The following TBL1X variants were observed in gnomAD, a reference collection of about 807,000 sequenced individuals.
The protein encoded by TBL1X is F-box-like/WD repeat-containing protein TBL1X.
In TBL1X, 10 loss-of-function variants were observed where a neutral mutation model predicts 50.7. That is an observed-to-expected ratio of 0.20 (90% CI 0.12 to 0.33). The LOEUF (loss-of-function observed/expected upper bound fraction) is 0.33. Among genes scored for constraint, TBL1X ranks in the 10% least tolerant of loss-of-function variants. The pLI, the probability that TBL1X is intolerant of heterozygous loss-of-function variation, is 1.00. For missense variants in TBL1X, 340 were observed against 504.4 expected (o/e 0.67, Z 3.12); for synonymous variants, 190 against 214.7 (o/e 0.88, Z 1.01).
chrX:9,637,191 A>G (rs1417193726), intron 2 of TBL1X: 1 of 112,030 alleles, frequency 8.9e-6, no homozygotes, highest in African/African-American at 3.2e-5. Flanking sequence ...TCGGAAAACA[A>G]TAGCAGACCA....
rs2083269039 is a variant in TBL1X at position 9,714,905 on chromosome X, G to A, written c.1609G>A (p.Gly537Arg). The change falls in exon 17 of 18, where the codon GGA becomes AGA. Residue 537 changes from glycine to arginine, a missense_variant. By Grantham distance (125) the Gly-to-Arg change is moderately radical. Transcript: ENST00000645353. ...TGACAGCTGCTTTGCTTTGCAGAGT[G>A]GAAATCTTGTCCACAGCTACCGAGG... The part of the protein sequence containing the change: ...KCVHIWNTQS[G>R]NLVHSYRGTG... The A allele has an allele frequency of 8.3e-7, 1 of 1,210,804 alleles. No individual in the cohort carries two copies. The highest frequency in any genetic ancestry group is 1.1e-6 in the Non-Finnish European group (1 of 894,886).
chrX:9,556,205 C>CAA (rs372368576), intron 2 of TBL1X, among the ~76,000 whole-genome samples: 1 of 100,658 alleles, frequency 9.9e-6, no homozygotes, highest in African/African-American at 3.7e-5. Flanking sequence ...AAAAACAAAA[C>CAA]AAAACAAAAA....
chrX:9,625,153 T>A (rs927702633), intron 2 of TBL1X, among the ~76,000 whole-genome samples: 1 of 112,669 alleles, frequency 8.9e-6, no homozygotes, highest in East Asian at 2.8e-4. Flanking sequence ...TCTTGGTTTT[T>A]AAATTTTTAT....
chrX:9,715,855 G>A (rs1051962946), intron 17 of TBL1X, among the ~76,000 whole-genome samples: 1 of 112,031 alleles, frequency 8.9e-6, no homozygotes, highest in Non-Finnish European at 1.9e-5. Flanking sequence ...CTGGCTGAAC[G>A]GCCAAGGGTC....
chrX:9,503,796 G>A (rs1313909855), intron 2 of TBL1X, among the ~76,000 whole-genome samples: 1 of 112,712 alleles, frequency 8.9e-6, no homozygotes, highest in African/African-American at 3.2e-5. Context: ...GATCTCCTGG[G>A]CCTCAGCCCA....
chrX:9,488,560 CTTAAT>C (rs1362291607), intron 1 of TBL1X, among the ~76,000 whole-genome samples: 1 of 112,114 alleles, frequency 8.9e-6, no homozygotes. Context: ...TCTCAAGAGA[CTTAAT>C]TTAATCACAT....
At position 9,709,241 on chromosome X, in the gene TBL1X, C is replaced by G. The variant is rs1440179024; in HGVS notation, c.1237-7C>G. The G allele has an allele frequency of 8.3e-7, 1 of 1,210,185 alleles. No individual in the cohort carries two copies. The highest frequency in any genetic ancestry group is 1.1e-6 in the Non-Finnish European group (1 of 894,791). The stretch of plus-strand genomic sequence containing the variant: ...TGTCTTTTTCACACTCTTCTGCTCT[C>G]TTTCAGAACGAGGTCAACGCCATCA... On this transcript the variant is annotated splice_region_variant and splice_polypyrimidine_tract_variant and intron_variant, in intron 13 of 17. Coordinates refer to ENST00000645353, the MANE Select transcript of TBL1X (RefSeq NM_005647.4).
chrX:9,584,757 A>G (rs1157406147), intron 2 of TBL1X, among the ~76,000 whole-genome samples: 4 of 112,207 alleles, frequency 3.6e-5, no homozygotes, highest in African/African-American at 1.3e-4. Context: ...AGGATATGCT[A>G]CATTGAAAGA....
chrX:9,669,664 C>G (rs1156428115), intron 5 of TBL1X, among the ~76,000 whole-genome samples: 1 of 111,876 alleles, frequency 8.9e-6, no homozygotes, highest in Non-Finnish European at 1.9e-5. Context: ...CCCTGAAACC[C>G]CAACCAGGCA....
intron 2 of TBL1X, among the ~76,000 whole-genome samples, chrX:9,598,657 G>GCGCTGCTGGAGTGGCTAAAA (rs1446555972): frequency 1.1e-3 from 122 of 112,055 alleles, no homozygotes; most frequent in Non-Finnish European, 1.9e-3. Flanking sequence ...CCATAACAAA[G>GCGCTGCTGGAGTGGCTAAAA]CGCTGCTGGA....
chrX:9,608,669 T>A, intron 2 of TBL1X, among the ~76,000 whole-genome samples: 1 of 112,661 alleles, frequency 8.9e-6, no homozygotes, highest in Non-Finnish European at 1.9e-5. Context: ...AAAAAAGCAG[T>A]CAAAGTGGTT....
chrX:9,715,046 G>A (rs761490296), intron 17 of TBL1X, 43 bp downstream of exon 17: 7 of 1,126,318 alleles, frequency 6.2e-6, no homozygotes, highest in South Asian at 5.7e-5. Context: ...GGTGTTGGGG[G>A]CAGCTGATGC....
intron 16 of TBL1X, among the ~76,000 whole-genome samples, chrX:9,712,338 GT>G (rs1321440517): frequency 8.9e-6 from 1 of 111,769 alleles, no homozygotes; most frequent in East Asian, 2.8e-4. Context: ...GTTGTTTTTT[GT>G]TTTTGTTTTT....
chrX:9,515,076 G>T (rs184830343), intron 2 of TBL1X, among the ~76,000 whole-genome samples: 9 of 111,582 alleles, frequency 8.1e-5, no homozygotes, highest in African/African-American at 2.9e-4. Flanking sequence ...ATGCTGAAAT[G>T]AGACAAATCA....
intron 16 of TBL1X, among the ~76,000 whole-genome samples, chrX:9,712,579 C>T (rs944253436): frequency 4.5e-5 from 5 of 111,975 alleles, no homozygotes; most frequent in African/African-American, 1.3e-4. Context: ...TCAGGTGATC[C>T]GCCCACTTTT....
chrX:9,490,921 G>C (rs1393022670), intron 1 of TBL1X, among the ~76,000 whole-genome samples: 1 of 110,842 alleles, frequency 9.0e-6, no homozygotes, highest in Non-Finnish European at 1.9e-5. Flanking sequence ...TTTGCCAGCT[G>C]TTTCTTCTGT....
At chrX:9,705,336 G>A (rs1010600870) in intron 13 of TBL1X, among the ~76,000 whole-genome samples, 1 of 111,982 alleles carries the variant, frequency 8.9e-6, no homozygotes, top group African/African-American at 3.3e-5. Flanking sequence ...GACCTAGATG[G>A]TGGATTTGGC....
chrX:9,620,285 G>A (rs938290300), intron 2 of TBL1X, among the ~76,000 whole-genome samples: 2 of 112,253 alleles, frequency 1.8e-5, no homozygotes, highest in Admixed American at 9.4e-5. Flanking sequence ...CTTGACTTCT[G>A]AACTTTCTGA....
At chrX:9,476,363 A>G (rs2081849526) in intron 1 of TBL1X, among the ~76,000 whole-genome samples, 1 of 112,389 alleles carries the variant, frequency 8.9e-6, no homozygotes. Flanking sequence ...TTGACTTCAT[A>G]TTGGAACCAC....
Sources: allele counts gnomAD v4.1 joint callset (sites outside exome capture counted in the v4.1 genomes callset), GRCh38; gene constraint gnomAD v4.1.1; transcripts MANE v1.5; gene names NCBI Gene and HGNC (gene_info 2026-07-23, HGNC 2026-07-21).